Variants in CDC42BPG observed in about 807,000 individuals in gnomAD.
CDC42BPG encodes the protein CDC42 binding protein kinase gamma.
In CDC42BPG, 157 loss-of-function variants were observed where a neutral mutation model predicts 192.2. That is an observed-to-expected ratio of 0.82 (90% CI 0.72 to 0.93). The LOEUF (loss-of-function observed/expected upper bound fraction) is 0.93. Ranked by LOEUF, CDC42BPG falls within the 40% of genes least tolerant of loss-of-function variation. The pLI is 0.00. For missense variants in CDC42BPG, 1,992 were observed against 2,122.1 expected (o/e 0.94, Z 1.20); for synonymous variants, 981 against 918.5 (o/e 1.07, Z -1.23).
chr11:64,841,586 C>G, intron 3 of CDC42BPG, 64 bp downstream of exon 3: 2 of 1,266,898 alleles, frequency 1.6e-6, no homozygotes, highest in Non-Finnish European at 2.3e-6. Context: ...TAGGCCCTGG[C>G]AGCATACACC....
chr11:64,829,801 C>T lies in CDC42BPG; in HGVS notation c.3637G>A (p.Gly1213Arg), dbSNP rs368641363. 6.2e-7 allele frequency: 1 copy of T among 1,603,330 alleles called. No individual in the cohort carries two copies. The highest frequency in any genetic ancestry group is 1.1e-5 in the South Asian group (1 of 90,348). ...VLCYQLGPGP[G>R]PWQRRIRELQ... ...TCACGGATGCGGCGCTGCCAGGGCC[C>T]AGGGCCCGGGCCCAGCTGGTAGCAG... The change falls in exon 30 of 37, where the codon GGG becomes AGG. Residue 1213 changes from glycine to arginine, a missense_variant. This residue lies in a region of CDC42BPG where 1,656 missense variants were observed against 1,844.3 expected (regional missense o/e 0.90). Transcript: ENST00000342711.
At chr11:64,837,651 G>A (rs1318330175) in intron 9 of CDC42BPG, among the ~76,000 whole-genome samples, 2 of 152,064 alleles carry the variant, frequency 1.3e-5, no homozygotes, top group Admixed American at 1.3e-4. Flanking sequence ...TAGTAGAGAT[G>A]GGGTTTCACT....
Position 64,839,033 on chromosome 11 carries a change from C to T in CDC42BPG, c.876G>A (p.Glu292=), listed in dbSNP as rs1565695725. The T allele has an allele frequency of 6.2e-7, 1 of 1,613,586 alleles. No homozygotes were observed. The highest frequency in any genetic ancestry group is 1.7e-5 in the Admixed American group (1 of 60,020). Residue 292 remains glutamate (E), a splice_region_variant and synonymous_variant, in exon 7 of 37, where the codon GAG becomes GAA. Coordinates refer to ENST00000342711, the MANE Select transcript of CDC42BPG (RefSeq NM_017525.3). ...VETYGKIMNH[E]DHLQFPPDVP... ...GAAGCCCAGAGCCTGGTGTCCAGACCTCGTGGTTCATGATCTTGCCGTAGG... is the reference window on the plus strand; with the variant it reads ...GAAGCCCAGAGCCTGGTGTCCAGACTTCGTGGTTCATGATCTTGCCGTAGG...
intron 2 of CDC42BPG, 25 bp downstream of exon 2, chr11:64,841,788 C>A (rs368358130): frequency 8.7e-6 from 14 of 1,613,238 alleles, no homozygotes; most frequent in South Asian, 2.2e-5. Context: ...CACCTCCCCC[C>A]ACCTACCCCA....
rs1223510128 is a variant in CDC42BPG at position 64,835,612 on chromosome 11, T to C, written c.1768A>G (p.Thr590Ala). Residue 590 changes from threonine to alanine, a missense_variant, in exon 15 of 37, where the codon ACA becomes GCA. This residue lies in a region of CDC42BPG where 1,656 missense variants were observed against 1,844.3 expected (regional missense o/e 0.90). Transcript: ENST00000342711. ...EESSQAKTIH[T>A]ASETNGMGPP... ...CCCATCCCGTTGGTCTCAGAGGCTG[T>C]GTGGATGGTCTTGGGGACATGGAGG... 6.4e-7 allele frequency: 1 copy of C among 1,568,198 alleles called. No individual in the cohort carries two copies. Among genetic ancestry groups the C allele is most frequent in the Admixed American group, 1.8e-5 (1 of 56,180 alleles).
At position 64,844,622 on chromosome 11, in the gene CDC42BPG, G is replaced by A; in HGVS notation, c.-53C>T. On this transcript the variant is annotated 5_prime_UTR_variant, in exon 1 of 37. Transcript: ENST00000342711. ...CTACAGTCTGGCCGCCCGCATGCCC[G>A]CCTGTCGGGCCGTCCGTCCGCCCAA... is the stretch of plus-strand genomic sequence containing the variant. 2 of 1,215,770 alleles carry A rather than the reference G, an allele frequency of 1.6e-6. No individual in the cohort carries two copies. Among genetic ancestry groups the A allele is most frequent in the Non-Finnish European group, 2.1e-6 (2 of 974,028 alleles). The allele number at this position is 1,215,770 out of a possible 1,614,324, so 75.3% of individuals were successfully genotyped here. A position where few individuals can be genotyped will look rare whatever the true frequency, so the allele number is the denominator to read the frequency against.
chr11:64,834,730 A>C (rs1405952896), intron 18 of CDC42BPG, 119 bp downstream of exon 18: 15 of 1,316,710 alleles, frequency 1.1e-5, no homozygotes, highest in East Asian at 7.3e-5. Context: ...GGAAATCACT[A>C]TCTCTCATGA....
intron 9 of CDC42BPG, 56 bp downstream of exon 9, chr11:64,838,027 T>C: frequency 6.9e-7 from 1 of 1,454,438 alleles, no homozygotes; most frequent in Non-Finnish European, 9.4e-7. Flanking sequence ...GCGCCCAGTG[T>C]CCTCCAGGTC....
rs1350122971 is a variant in CDC42BPG at position 64,838,881 on chromosome 11, C to G, written c.898G>C (p.Asp300His). ...NHEDHLQFPP[D>H]VPDVPASAQD... is the part of the protein sequence containing the mutation. ...GCGCTGGCTGGCACGTCAGGCACGT[C>G]CGGGGGGAACTGCAGGTGGTCCTGT... The change falls in exon 8 of 37, where the codon GAC becomes CAC. Residue 300 changes from aspartate to histidine, a missense_variant. By Grantham distance (81) the Asp-to-His change is moderately conservative. Around this residue, in one of 2 missense-constraint regions of CDC42BPG, gnomAD observed 1,656 missense variants for 1,844.3 expected, o/e 0.90. Transcript: ENST00000342711. The G allele has an allele frequency of 6.3e-7, 1 of 1,595,640 alleles. No homozygotes were observed. Among genetic ancestry groups the G allele is most frequent in the Non-Finnish European group, 8.6e-7 (1 of 1,168,312 alleles).
Position 64,839,488 on chromosome 11 carries a change from G to A in CDC42BPG, c.665C>T (p.Thr222Ile), listed in dbSNP as rs1213748720. The change falls in exon 6 of 37, where the codon ACC (threonine) becomes ATC (isoleucine). Residue 222 changes from threonine (T) to isoleucine (I), a missense_variant. Thr to Ile is a moderately conservative substitution (Grantham distance 89). Coordinates refer to ENST00000342711, the MANE Select transcript of CDC42BPG (RefSeq NM_017525.3). ...GGGCGGGGTCCTTACCATGCCGTTG[G>A]TGTTGAGACGCAGGCAGGAGCCGAA... ...ADFGSCLRLN[T>I]NGMVDSSVAV... 1.9e-6 allele frequency: 3 copies of A among 1,613,218 alleles called. No individual in the cohort carries two copies. In the Admixed American group the frequency reaches 5.0e-5, roughly 27 times the overall value.
Position 64,829,736 on chromosome 11 carries a change from C to T in CDC42BPG, c.3702G>A (p.Leu1234=). Residue 1234 remains leucine, a synonymous_variant, in exon 30 of 37, where the codon CTG becomes CTA. Transcript: ENST00000342711. ...CGGCGCCCACACATAGCCGGTCGCC[C>T]AGCAGCCCCAGGCTCTGCACAGTGG... ...APATVQSLGL[L]GDRLCVGAAG... 1 of 1,608,212 alleles carries T rather than the reference C, an allele frequency of 6.2e-7. No homozygotes were observed. Among genetic ancestry groups the T allele is most frequent in the East Asian group, 2.2e-5 (1 of 44,718 alleles).
At chr11:64,833,073 G>A in intron 24 of CDC42BPG, 114 bp from the exon 25 acceptor site, 2 of 1,353,468 alleles carry the variant, frequency 1.5e-6, no homozygotes, top group East Asian at 2.5e-5. Flanking sequence ...CACCCGAACT[G>A]TCCCCAATTC....
At chr11:64,829,366 C>T (rs1252070690) in intron 30 of CDC42BPG, 105 bp downstream of exon 30, 4 of 1,438,876 alleles carry the variant, frequency 2.8e-6, no homozygotes, top group Non-Finnish European at 3.7e-6. Context: ...TGCAAACTGG[C>T]ACCAAAGGCC....
Position 64,835,036 on chromosome 11 carries a change from C to G in CDC42BPG, c.2060+11G>C, listed in dbSNP as rs368153087. On this transcript the variant is annotated intron_variant, in intron 17 of 36. Transcript: ENST00000342711. ...CTGCGTTCCCCACCCCGACCCACCC[C>G]TGGCACCCACCAGCTGAGGATGTCG... The G allele has an allele frequency of 2.4e-4, 389 of 1,602,274 alleles. No homozygotes were observed. The highest frequency in any genetic ancestry group is 3.2e-4 in the Non-Finnish European group (377 of 1,176,140).
intron 1 of CDC42BPG, among the ~76,000 whole-genome samples, chr11:64,842,988 G>T (rs1460975483): frequency 6.6e-6 from 1 of 152,132 alleles, no homozygotes; most frequent in East Asian, 1.9e-4. Flanking sequence ...CTCTTTCCCA[G>T]GTCTGTGTGT....
intron 20 of CDC42BPG, 26 bp downstream of exon 20, chr11:64,834,239 CG>C: frequency 6.5e-7 from 1 of 1,543,690 alleles, no homozygotes. Flanking sequence ...AGCCTGGCTC[CG>C]GGGCAAGCAG....
chr11:64,835,975 C>A, intron 13 of CDC42BPG, 124 bp from the exon 14 acceptor site: 1 of 1,299,164 alleles, frequency 7.7e-7, no homozygotes, highest in East Asian at 2.5e-5. Flanking sequence ...TCCCAGACTG[C>A]CCCGTCCCAG....
chr11:64,839,581 G>A lies in CDC42BPG; in HGVS notation c.582-10C>T. ...GTCTGGCTTGACATCCCTGGGGGAT[G>A]GCAGGCAGGGAGAGTGAGGCGTTTG... On this transcript the variant is annotated splice_polypyrimidine_tract_variant and intron_variant, in intron 5 of 36. Transcript: ENST00000342711. The A allele has an allele frequency of 1.2e-6, 2 of 1,608,748 alleles. No homozygotes were observed. Among genetic ancestry groups the A allele is most frequent in the Non-Finnish European group, 8.5e-7 (1 of 1,178,116 alleles).
intron 5 of CDC42BPG, 147 bp from the exon 6 acceptor site, chr11:64,839,718 G>A: frequency 1.5e-6 from 1 of 645,410 alleles, no homozygotes; most frequent in Non-Finnish European, 2.7e-6. Flanking sequence ...TGAGCAACGT[G>A]TGTGTGTGTA....
Sources: gnomAD v4.1 joint callset for allele counts (sites outside exome capture counted in the v4.1 genomes callset) on GRCh38, gnomAD v4.1.1 for gene constraint, gnomAD v4.1.1 regional missense constraint, MANE v1.5 for transcripts, NCBI Gene and HGNC (gene_info 2026-07-23, HGNC 2026-07-21) for gene names.